The following ARNT2 variants were observed in gnomAD, a reference collection of about 807,000 sequenced individuals.
ARNT2 encodes the protein ARNT protein 2.
A neutral mutation model predicts 91.7 loss-of-function variants in ARNT2; 36 were observed. The ratio of observed to expected loss-of-function variants is 0.39; its 90% CI spans 0.30 to 0.52. The LOEUF (loss-of-function observed/expected upper bound fraction) is 0.52, where lower values mean the gene tolerates loss of function less well. Among genes scored for constraint, ARNT2 ranks in the 20% least tolerant of loss-of-function variants. The pLI, the probability that ARNT2 is intolerant of heterozygous loss-of-function variation, is 0.72. For synonymous variants in ARNT2, 365 were observed against 347.1 expected, an observed-to-expected ratio of 1.05 and a Z score of -0.57; for missense variants, 775 against 939.3, an observed-to-expected ratio of 0.83 and a Z score of 2.29.
Position 80,591,181 on chromosome 15 carries a change from C to T in ARNT2, c.1919-387C>T, listed in dbSNP as rs932506976. ...CATGCCAACACCATACTGCTGAGGA[C>T]AGACCCTCTCTCAGCCCACACTCTG... On this transcript the variant is annotated intron_variant, in intron 17 of 18. Coordinates refer to ENST00000303329, the MANE Select transcript of ARNT2 (RefSeq NM_014862.4). The surrounding 1 kb of genome is among the most constrained non-coding windows in gnomAD (Gnocchi z 5.1). 3.3e-5 allele frequency among the ~76,000 whole-genome samples: 5 copies of T among 152,212 alleles called. No homozygotes were observed. Among genetic ancestry groups the T allele is most frequent in the African/African-American group, 1.2e-4 (5 of 41,448 alleles).
At chr15:80,473,938 C>CTTT (rs1896766524) in intron 4 of ARNT2, among the ~76,000 whole-genome samples, 1 of 152,178 alleles carries the variant, frequency 6.6e-6, no homozygotes, top group African/African-American at 2.4e-5. Context: ...AAGATGTTTG[C>CTTT]TAGCTGCTGA....
intron 5 of ARNT2, among the ~76,000 whole-genome samples, chr15:80,479,229 T>C (rs899081626): frequency 1.3e-5 from 2 of 152,284 alleles, no homozygotes; most frequent in Admixed American, 1.3e-4. Context: ...CCCCAGAAAA[T>C]CAATATGCTG....
At chr15:80,556,915 C>G (rs937263728) in intron 11 of ARNT2, 13 of 152,160 alleles carry the variant, frequency 8.5e-5, no homozygotes, top group Admixed American at 3.3e-4. Context: ...CCACAGGGCT[C>G]TCACATCTTG....
intron 8 of ARNT2, among the ~76,000 whole-genome samples, chr15:80,544,142 A>T (rs1897955400): frequency 6.6e-6 from 1 of 152,228 alleles, no homozygotes; most frequent in African/African-American, 2.4e-5. Flanking sequence ...AACTGTTAGT[A>T]TGCAGTTATA....
chr15:80,437,211 T>G (rs931728933), intron 1 of ARNT2, among the ~76,000 whole-genome samples: 1 of 152,186 alleles, frequency 6.6e-6, no homozygotes, highest in African/African-American at 2.4e-5. Flanking sequence ...CACGAGGTTG[T>G]GAAGGGAGCC....
At chr15:80,486,677 T>C (rs750282607) in intron 5 of ARNT2, among the ~76,000 whole-genome samples, 7 of 152,238 alleles carry the variant, frequency 4.6e-5, no homozygotes, top group Non-Finnish European at 1.0e-4. Context: ...CCCACAAGCC[T>C]ATTTTTGTAG....
At chr15:80,566,711 A>T (rs570181850) in intron 12 of ARNT2, among the ~76,000 whole-genome samples, 2 of 152,258 alleles carry the variant, frequency 1.3e-5, no homozygotes, top group East Asian at 3.9e-4. Context: ...ATATGAAATA[A>T]CCTGTTCTCA....
chr15:80,475,302 C>T (rs751022772), intron 5 of ARNT2, 79 bp downstream of exon 5: 7 of 1,466,114 alleles, frequency 4.8e-6, no homozygotes, highest in Middle Eastern at 2.4e-4. Flanking sequence ...CGCCTGTAAT[C>T]CCAGTACTTT....
At position 80,593,627 on chromosome 15, in the gene ARNT2, A is replaced by G. The variant is rs770889424; in HGVS notation, c.2083A>G (p.Thr695Ala). Residue 695 changes from threonine (T) to alanine (A), a missense_variant, in exon 19 of 19, where the codon ACC (threonine) becomes GCC (alanine). Thr to Ala is a moderately conservative substitution (Grantham distance 58). Around this residue, in one of 5 missense-constraint regions of ARNT2, gnomAD observed 325 missense variants for 359.9 expected, o/e 0.90. Transcript: ENST00000303329. ...QDMLPMPGDP[T>A]QGTGNYNIED... ...CATGCTGCCCATGCCAGGAGATCCA[A>G]CCCAGGGGACTGGCAACTATAACAT... 9 of 1,604,824 alleles carry G rather than the reference A, an allele frequency of 5.6e-6. No individual in the cohort carries two copies.
intron 5 of ARNT2, among the ~76,000 whole-genome samples, chr15:80,499,899 A>C (rs1041404273): frequency 6.6e-6 from 1 of 152,214 alleles, no homozygotes. Flanking sequence ...GGTAATGGGT[A>C]AATAGAGTAA....
At chr15:80,551,318 T>C (rs1208837546) in intron 9 of ARNT2, 43 bp downstream of exon 9, 2 of 1,549,426 alleles carry the variant, frequency 1.3e-6, no homozygotes, top group South Asian at 2.2e-5. Context: ...AATGAAGGCT[T>C]ATTGCCACAA....
In ARNT2 at chr15:80,404,580, A is replaced by C; in HGVS notation, c.31+34A>C. The C allele has an allele frequency of 9.3e-7, 1 of 1,078,694 alleles. No individual in the cohort carries two copies. Among genetic ancestry groups the C allele is most frequent in the Non-Finnish European group, 1.1e-6 (1 of 887,974 alleles). 66.8% of individuals were successfully genotyped at this position (1,078,694 alleles called of 1,614,324 possible). A position where few individuals can be genotyped will look rare whatever the true frequency, so the allele number is the denominator to read the frequency against. On this transcript the variant is annotated intron_variant, in intron 1 of 18. Coordinates refer to ENST00000303329, the MANE Select transcript of ARNT2 (RefSeq NM_014862.4). This position sits in a 1 kb window ranked among gnomAD's most constrained non-coding sequence, Gnocchi z 5.5. ...CGGCCTGGGCCCCGCCGCCCGCCGC[A>C]GCCCGCAGGCCTTGCCCGGGGCCGG...
chr15:80,428,305 C>G (rs1895960726), intron 1 of ARNT2, among the ~76,000 whole-genome samples: 1 of 152,214 alleles, frequency 6.6e-6, no homozygotes, highest in Non-Finnish European at 1.5e-5. Context: ...TTTAACCTTA[C>G]AAAGATGTCT....
intron 3 of ARNT2, among the ~76,000 whole-genome samples, chr15:80,460,191 T>G (rs1031903352): frequency 1.3e-5 from 2 of 152,224 alleles, no homozygotes; most frequent in African/African-American, 4.8e-5. Context: ...GTGCCATGGT[T>G]TCTGTCTCCT....
At chr15:80,508,360 C>T (rs757879692) in intron 6 of ARNT2, 102 bp downstream of exon 6, 11 of 1,103,858 alleles carry the variant, frequency 1.0e-5, no homozygotes, top group African/African-American at 4.6e-5. Context: ...CACATGCCAA[C>T]GTGGGTTCAC....
At chr15:80,409,337 C>A (rs772886382) in intron 1 of ARNT2, among the ~76,000 whole-genome samples, 1 of 152,170 alleles carries the variant, frequency 6.6e-6, no homozygotes, top group Non-Finnish European at 1.5e-5. Context: ...ATTACGTAGC[C>A]TTTTCAAACT....
intron 8 of ARNT2, among the ~76,000 whole-genome samples, chr15:80,533,988 CTCTGTCT>C (rs1897782153): frequency 6.6e-6 from 1 of 152,196 alleles, no homozygotes; most frequent in Non-Finnish European, 1.5e-5. Flanking sequence ...GGAAATGAAG[CTCTGTCT>C]TCTAAGTCCA....
In ARNT2 at chr15:80,404,998, G is replaced by C. The variant is rs1895577790; in HGVS notation, c.31+452G>C. Among the ~76,000 whole-genome samples the C allele has an allele frequency of 6.6e-6, 1 of 152,124 alleles. No individual in the cohort carries two copies. The highest frequency in any genetic ancestry group is 1.5e-5 in the Non-Finnish European group (1 of 68,012). On this transcript the variant is annotated intron_variant, in intron 1 of 18. Transcript: ENST00000303329. This position sits in a 1 kb window ranked among gnomAD's most constrained non-coding sequence, Gnocchi z 5.5. The stretch of plus-strand genomic sequence containing the variant: ...GGATTCAACAGGGTACAACTCCCGG[G>C]ACTCTCCCCTGCCCGCCCCGCCCAC...
chr15:80,418,268 T>C (rs952012575), intron 1 of ARNT2, among the ~76,000 whole-genome samples: 2 of 152,174 alleles, frequency 1.3e-5, no homozygotes, highest in Admixed American at 1.3e-4. Flanking sequence ...CTGTCCCTGC[T>C]CTGGGCATTC....
Sources: allele counts gnomAD v4.1 joint callset (sites outside exome capture counted in the v4.1 genomes callset), GRCh38; gene constraint gnomAD v4.1.1; regional missense constraint gnomAD v4.1.1; non-coding constraint Gnocchi (gnomAD v3.1); transcripts MANE v1.5; gene names NCBI Gene and HGNC (gene_info 2026-07-23, HGNC 2026-07-21).